CNTN6: variants seen among roughly 807,000 people sequenced by gnomAD.
CNTN6 encodes contactin 6.
CNTN6 carries 137 observed loss-of-function variants against 122.8 expected under a neutral mutation model. The ratio of observed to expected loss-of-function variants is 1.12; its 90% CI spans 0.97 to 1.29. The LOEUF is 1.29. Ranked by LOEUF, CNTN6 falls within the 50% of genes most tolerant of loss-of-function variation. CNTN6 has a pLI of 0.00. For missense variants in CNTN6, 1,634 were observed against 1,223.4 expected (o/e 1.34, Z -5.01); for synonymous variants, 570 against 426.0 (o/e 1.34, Z -4.16).
At chr3:1,191,953 G>A (rs2093708194) in intron 2 of CNTN6, among the ~76,000 whole-genome samples, 1 of 152,150 alleles carries the variant, frequency 6.6e-6, no homozygotes, top group African/African-American at 2.4e-5. Flanking sequence ...CACTGTTACA[G>A]TTCACATTCT....
chr3:1,328,355 G>T (rs902453756), intron 10 of CNTN6, among the ~76,000 whole-genome samples: 36 of 151,772 alleles, frequency 2.4e-4, no homozygotes, highest in African/African-American at 8.7e-4. Context: ...TTCAACCCAA[G>T]GGTTTCTTAG....
At chr3:1,240,867 GT>G (rs1575374804) in intron 4 of CNTN6, among the ~76,000 whole-genome samples, 1 of 152,136 alleles carries the variant, frequency 6.6e-6, no homozygotes, top group East Asian at 1.9e-4. Context: ...TGAAAAGAGA[GT>G]CAGTGAAGGG....
Position 1,372,322 on chromosome 3 carries a change from C to G in CNTN6, c.1516C>G (p.Pro506Ala). Reference sequence around the variant, plus strand: ...AGAGAGAACTGTCATTACCGTCCCACCTTCCAAAATGGATGTTACAGTTGG... The same window carrying G: ...AGAGAGAACTGTCATTACCGTCCCAGCTTCCAAAATGGATGTTACAGTTGG... ...VKERTVITVP[P>A]SKMDVTVGES... Residue 506 changes from proline (P) to alanine (A), a missense_variant, in exon 13 of 23, where the codon CCT (proline) becomes GCT (alanine). Transcript: ENST00000446702. The G allele has an allele frequency of 6.2e-7, 1 of 1,609,074 alleles. No individual in the cohort carries two copies. Among genetic ancestry groups the G allele is most frequent in the Non-Finnish European group, 8.5e-7 (1 of 1,177,912 alleles).
At chr3:1,354,968 A>G (rs1178118709) in intron 12 of CNTN6, among the ~76,000 whole-genome samples, 1 of 151,554 alleles carries the variant, frequency 6.6e-6, no homozygotes. Context: ...CGTGAAGAGA[A>G]TTCATTGTTT....
chr3:1,115,497 C>G (rs538880620), intron 1 of CNTN6, among the ~76,000 whole-genome samples: 56 of 152,152 alleles, frequency 3.7e-4, no homozygotes, highest in Non-Finnish European at 7.2e-4. Context: ...TGCCTGTAAT[C>G]CCAGCACTTT....
intron 2 of CNTN6, among the ~76,000 whole-genome samples, chr3:1,219,372 G>A (rs1014852907): frequency 2.0e-5 from 3 of 152,202 alleles, no homozygotes; most frequent in Admixed American, 2.0e-4. Context: ...CTCCAATGGT[G>A]TATCCAGTGA....
chr3:1,167,209 T>C (rs1292250930), intron 2 of CNTN6, among the ~76,000 whole-genome samples: 4 of 152,148 alleles, frequency 2.6e-5, no homozygotes, highest in Non-Finnish European at 1.5e-5. Flanking sequence ...TTACTACTTG[T>C]GTGGCAGGGC....
chr3:1,378,675 G>T (rs547529517), intron 17 of CNTN6, among the ~76,000 whole-genome samples: 120 of 152,100 alleles, frequency 7.9e-4, no homozygotes, highest in Non-Finnish European at 1.5e-3. Flanking sequence ...ATATCATTCA[G>T]TCCCCACAAT....
At chr3:1,359,555 A>C (rs1707146364) in intron 12 of CNTN6, among the ~76,000 whole-genome samples, 1 of 152,072 alleles carries the variant, frequency 6.6e-6, no homozygotes, top group Admixed American at 6.6e-5. Context: ...GAATATATTG[A>C]CCATGATTAC....
At chr3:1,301,734 G>A (rs998622217) in intron 7 of CNTN6, among the ~76,000 whole-genome samples, 1 of 150,950 alleles carries the variant, frequency 6.6e-6, no homozygotes, top group Non-Finnish European at 1.5e-5. Context: ...GGTCAAAGCG[G>A]TAGCGTTAAG....
At chr3:1,220,919 C>T in intron 3 of CNTN6, 106 bp downstream of exon 3, 1 of 1,223,908 alleles carries the variant, frequency 8.2e-7, no homozygotes, top group South Asian at 2.0e-5. Flanking sequence ...TAGTGTACAG[C>T]TCAAGGAATT....
chr3:1,384,421 TAAGTA>T (rs1021371872), intron 19 of CNTN6, among the ~76,000 whole-genome samples: 4 of 151,978 alleles, frequency 2.6e-5, no homozygotes, highest in Admixed American at 2.6e-4. Flanking sequence ...AAAAGGCAGT[TAAGTA>T]ATGAAAAAAA....
At chr3:1,179,691 T>C (rs973005190) in intron 2 of CNTN6, among the ~76,000 whole-genome samples, 4 of 152,148 alleles carry the variant, frequency 2.6e-5, no homozygotes, top group African/African-American at 9.7e-5. Flanking sequence ...CTTCTTGTCT[T>C]TCCTGCAGTG....
At chr3:1,333,495 GA>G (rs1444189755) in intron 11 of CNTN6, among the ~76,000 whole-genome samples, 1 of 151,968 alleles carries the variant, frequency 6.6e-6, no homozygotes, top group Non-Finnish European at 1.5e-5. Flanking sequence ...TCAGATATAG[GA>G]AAAAAGTTCA....
At chr3:1,132,948 T>A (rs769726549) in intron 1 of CNTN6, among the ~76,000 whole-genome samples, 9 of 152,212 alleles carry the variant, frequency 5.9e-5, no homozygotes, top group Non-Finnish European at 1.2e-4. Context: ...TCTGAGAGGC[T>A]TTTTCTATAA....
At chr3:1,266,020 G>GTT (rs369400317) in intron 4 of CNTN6, among the ~76,000 whole-genome samples, 26 of 141,952 alleles carry the variant, frequency 1.8e-4, no homozygotes, top group South Asian at 9.0e-4. Context: ...AGTTAAAGGT[G>GTT]TTTTTTTTTT....
In CNTN6 at chr3:1,118,283, C is replaced by T. The variant is rs371258995; in HGVS notation, c.-83+25163C>T. 3.3e-5 allele frequency among the ~76,000 whole-genome samples: 5 copies of T among 152,172 alleles called. No homozygotes were observed. In the East Asian group the frequency reaches 5.8e-4, roughly 18 times the overall value. ...CTCACTGAACACGTGTGGTGAGGAGCGGGGCTAGGGAAAGATAGTGCTCTG... is the reference window on the plus strand; with the variant it reads ...CTCACTGAACACGTGTGGTGAGGAGTGGGGCTAGGGAAAGATAGTGCTCTG... On this transcript the variant is annotated intron_variant, in intron 1 of 22. Transcript: ENST00000446702.
At chr3:1,301,609 C>T (rs927629360) in intron 7 of CNTN6, among the ~76,000 whole-genome samples, 1 of 152,074 alleles carries the variant, frequency 6.6e-6, no homozygotes, top group East Asian at 1.9e-4. Flanking sequence ...AGTACACTCC[C>T]TAAATTGTTA....
chr3:1,135,661 G>A (rs2092453068), intron 1 of CNTN6, among the ~76,000 whole-genome samples: 1 of 152,032 alleles, frequency 6.6e-6, no homozygotes, highest in Non-Finnish European at 1.5e-5. Context: ...TCTTTCCTAG[G>A]TAGGTCAGAA....
Sources: allele counts gnomAD v4.1 joint callset (sites outside exome capture counted in the v4.1 genomes callset), GRCh38; gene constraint gnomAD v4.1.1; transcripts MANE v1.5; gene names NCBI Gene and HGNC (gene_info 2026-07-23, HGNC 2026-07-21).